Variants in LARGE1 observed in about 807,000 individuals in gnomAD.
LARGE1 encodes the protein xylosyl- and glucuronyltransferase LARGE1.
A neutral mutation model predicts 87.6 loss-of-function variants in LARGE1; 43 were observed. The observed-to-expected ratio is 0.49, with a 90% confidence interval of 0.38 to 0.63. LARGE1 has a LOEUF of 0.63. Ranked by LOEUF, LARGE1 falls within the 30% of genes least tolerant of loss-of-function variation. The pLI, the probability that LARGE1 is intolerant of heterozygous loss-of-function variation, is 0.00. For missense variants in LARGE1, 802 were observed against 1,000.2 expected (o/e 0.80, Z 2.67); for synonymous variants, 434 against 394.6 (o/e 1.10, Z -1.18).
intron 2 of LARGE1, among the ~76,000 whole-genome samples, chr22:33,758,192 C>T (rs2084590621): frequency 6.6e-6 from 1 of 152,152 alleles, no homozygotes; most frequent in African/African-American, 2.4e-5. Context: ...CAGGGGACAG[C>T]CCTTTGTCTG....
At chr22:33,079,221 C>CTTT in the LARGE1 span, among the ~76,000 whole-genome samples, 126 of 85,728 alleles carry the variant, frequency 1.5e-3, 1 homozygote, top group East Asian at 2.2e-3. Flanking sequence ...AGTTATCATT[C>CTTT]TTTTTTTTTT....
intron 6 of LARGE1, among the ~76,000 whole-genome samples, chr22:33,532,010 A>T (rs2072229923): frequency 6.6e-6 from 1 of 152,238 alleles, no homozygotes; most frequent in Non-Finnish European, 1.5e-5. Context: ...AAGCTGTTTT[A>T]GTACATTTTT....
At chr22:33,603,901 T>C (rs1173053367) in intron 5 of LARGE1, among the ~76,000 whole-genome samples, 1 of 152,228 alleles carries the variant, frequency 6.6e-6, no homozygotes, top group Non-Finnish European at 1.5e-5. Context: ...TAACCTTTAA[T>C]ATTTATTCAG....
At chr22:33,250,386 C>T (rs1926958620) in intron 11 of LARGE1, among the ~76,000 whole-genome samples, 1 of 152,182 alleles carries the variant, frequency 6.6e-6, no homozygotes, top group South Asian at 2.1e-4. Context: ...TGCAACCTTG[C>T]TCTAATTGCT....
chr22:33,208,815 T>C (rs1468460856), intron 11 of LARGE1, among the ~76,000 whole-genome samples: 1 of 152,142 alleles, frequency 6.6e-6, no homozygotes, highest in African/African-American at 2.4e-5. Flanking sequence ...AGTGAGAAAA[T>C]GTGGTGTTTG....
chr22:33,201,202 G>A (rs1423199636), intron 11 of LARGE1, among the ~76,000 whole-genome samples: 2 of 152,102 alleles, frequency 1.3e-5, no homozygotes, highest in African/African-American at 2.4e-5. Context: ...CAGCTACTTG[G>A]GAGGCTGAGG....
At chr22:33,733,121 G>C (rs569161510) in intron 2 of LARGE1, 1 of 152,190 alleles carries the variant, frequency 6.6e-6, no homozygotes, top group Non-Finnish European at 1.5e-5. Flanking sequence ...TAAGCCACTC[G>C]AGGGTGGAAG....
At chr22:33,217,474 T>C (rs750776631) in intron 11 of LARGE1, among the ~76,000 whole-genome samples, 19 of 152,112 alleles carry the variant, frequency 1.2e-4, no homozygotes, top group Non-Finnish European at 2.5e-4. Context: ...CTCCCAAACA[T>C]AATGTGGGGC....
intron 6 of LARGE1, among the ~76,000 whole-genome samples, chr22:33,432,637 C>T (rs1446482413): frequency 6.6e-6 from 1 of 151,938 alleles, no homozygotes; most frequent in African/African-American, 2.4e-5. Context: ...TCATGGAGCA[C>T]ATATTTATTG....
rs184547726 is a variant in LARGE1 at position 33,356,907 on chromosome 22, T to C, written c.1132-19106A>G. Among the ~76,000 whole-genome samples, 135 of 152,372 alleles carry C rather than the reference T, an allele frequency of 8.9e-4. 1 individual carries two copies. The highest frequency in any genetic ancestry group is 2.1e-3 in the East Asian group (11 of 5,196). ...GGAAACTATTCCCAGAGAATGCTTA[T>C]ACACTGTTGGTGGGAATGGAAATTA... On this transcript the variant is annotated intron_variant, in intron 9 of 14. Coordinates refer to ENST00000397394, the MANE Select transcript of LARGE1 (RefSeq NM_133642.5).
intron 1 of LARGE1, among the ~76,000 whole-genome samples, chr22:33,817,723 C>G (rs2086697106): frequency 1.3e-5 from 2 of 152,178 alleles, no homozygotes; most frequent in Non-Finnish European, 2.9e-5. Flanking sequence ...GCCCTAGCAT[C>G]ACAGACAGGC....
At chr22:33,337,480 G>A (rs1310705316) in intron 10 of LARGE1, among the ~76,000 whole-genome samples, 166 bp downstream of exon 10, 8 of 152,086 alleles carry the variant, frequency 5.3e-5, no homozygotes, top group African/African-American at 1.9e-4. Flanking sequence ...CAAAGGACCC[G>A]CTGATGTACC....
At chr22:33,315,457 T>C (rs994551334) in intron 11 of LARGE1, among the ~76,000 whole-genome samples, 6 of 152,130 alleles carry the variant, frequency 3.9e-5, no homozygotes, top group Admixed American at 3.3e-4. Context: ...CCAGCCGCAA[T>C]TGTAGCTCCA....
chr22:33,265,607 A>C lies in LARGE1; in HGVS notation c.1730+38622T>G, dbSNP rs542030142. On this transcript the variant is annotated intron_variant, in intron 11 of 11. Transcript: ENST00000608642. ...ACTTCCCTTTACCAGCCTGTACGTC[A>C]CTACTCACACACCCATCTGCCTCTC... is the stretch of plus-strand genomic sequence containing the variant. Among the ~76,000 whole-genome samples, 305 of 152,230 alleles carry C rather than the reference A, an allele frequency of 2.0e-3. 2 individuals are homozygous for C. Among genetic ancestry groups the C allele is most frequent in the African/African-American group, 7.1e-3 (293 of 41,542 alleles).
Position 33,896,910 on chromosome 22 carries a change from C to T in LARGE1, c.-83+23085G>A, listed in dbSNP as rs118183656. Among the ~76,000 whole-genome samples, 46 of 152,290 alleles carry T rather than the reference C, an allele frequency of 3.0e-4. No homozygotes were observed. The East Asian group carries it at 6.0e-3, about 20-fold the overall frequency. On this transcript the variant is annotated intron_variant, in intron 1 of 14. Transcript: ENST00000397394. ...ATGCAACCCAGCACAGAACCTTCCCCGCCGACCAGACCTGATGGTGGGGTA... is the reference window on the plus strand; with the variant it reads ...ATGCAACCCAGCACAGAACCTTCCCTGCCGACCAGACCTGATGGTGGGGTA...
At chr22:33,621,708 C>T (rs2079760211) in intron 4 of LARGE1, among the ~76,000 whole-genome samples, 1 of 152,108 alleles carries the variant, frequency 6.6e-6, no homozygotes, top group Non-Finnish European at 1.5e-5. Context: ...TTTCAAAAGT[C>T]CTTTTGTCTT....
At chr22:33,488,900 T>G (rs532597516) in intron 6 of LARGE1, among the ~76,000 whole-genome samples, 1 of 152,200 alleles carries the variant, frequency 6.6e-6, no homozygotes, top group African/African-American at 2.4e-5. Flanking sequence ...AACACCCAAC[T>G]TGAAAAACTT....
At chr22:33,169,627 G>A (rs1054488484) in intron 11 of LARGE1, among the ~76,000 whole-genome samples, 5 of 151,892 alleles carry the variant, frequency 3.3e-5, no homozygotes, top group Admixed American at 2.6e-4. Context: ...TGAGGCGGGC[G>A]GATCATGAGG....
At chr22:33,067,037 CA>C in the LARGE1 span, among the ~76,000 whole-genome samples, 2 of 151,952 alleles carry the variant, frequency 1.3e-5, no homozygotes, top group Non-Finnish European at 2.9e-5. Flanking sequence ...TGCTGAGTTC[CA>C]GCAGCATTCC....
Sources: gnomAD v4.1 joint callset for allele counts (sites outside exome capture counted in the v4.1 genomes callset) on GRCh38, gnomAD v4.1.1 for gene constraint, MANE v1.5 for transcripts, NCBI Gene and HGNC (gene_info 2026-07-23, HGNC 2026-07-21) for gene names.